PAWR: variants seen among roughly 807,000 people sequenced by gnomAD.
PAWR encodes PRKC apoptosis WT1 regulator protein.
A neutral mutation model predicts 32.0 loss-of-function variants in PAWR; 23 were observed. The ratio of observed to expected loss-of-function variants is 0.72; its 90% CI spans 0.52 to 1.02. PAWR has a LOEUF of 1.02. Ranked by LOEUF, PAWR falls within the 50% of genes least tolerant of loss-of-function variation. The probability of loss-of-function intolerance (pLI) is 0.00; values close to 1 mark genes in which losing one functional copy is unlikely to be tolerated. For missense variants in PAWR, 457 were observed against 437.7 expected (o/e 1.04, Z -0.39); for synonymous variants, 226 against 187.1 (o/e 1.21, Z -1.70).
intron 2 of PAWR, among the ~76,000 whole-genome samples, chr12:79,674,852 A>C (rs1266334199): frequency 6.6e-6 from 1 of 152,212 alleles, no homozygotes; most frequent in African/African-American, 2.4e-5. Context: ...TTAAAACCAC[A>C]ATAAGATACC....
intron 2 of PAWR, among the ~76,000 whole-genome samples, chr12:79,673,275 T>C (rs1221911620): frequency 6.6e-6 from 1 of 152,178 alleles, no homozygotes; most frequent in East Asian, 1.9e-4. Flanking sequence ...TTCACCGTGT[T>C]AGCCAGGATG....
rs540552105 is a variant in PAWR, at chr12:79,662,584, A to G, written c.516+27145T>C. Reference sequence around the variant, plus strand: ...ATGGACCACACTGCCAAGCTGACCTAGAATTCAGTTCAGCTCACTTCCTTC... The same window carrying G: ...ATGGACCACACTGCCAAGCTGACCTGGAATTCAGTTCAGCTCACTTCCTTC... On this transcript the variant is annotated intron_variant, in intron 2 of 6. Coordinates refer to ENST00000328827, the MANE Select transcript of PAWR (RefSeq NM_002583.4). Among the ~76,000 whole-genome samples, 39 of 152,362 alleles carry G rather than the reference A, an allele frequency of 2.6e-4. No homozygotes were observed. The South Asian group carries it at 3.3e-3, about 13-fold the overall frequency.
chr12:79,680,488 C>G (rs1339611765), intron 2 of PAWR, among the ~76,000 whole-genome samples: 1 of 152,184 alleles, frequency 6.6e-6, no homozygotes. Context: ...ATGTGTGAAA[C>G]TGCTAGTTTT....
At chr12:79,650,572 T>G (rs539067811) in intron 2 of PAWR, among the ~76,000 whole-genome samples, 4 of 152,100 alleles carry the variant, frequency 2.6e-5, no homozygotes, top group Non-Finnish European at 5.9e-5. Flanking sequence ...TAAAAACAGA[T>G]AGTAAATATT....
At position 79,690,201 on chromosome 12, in the gene PAWR, C is replaced by A; in HGVS notation, c.44G>T (p.Ser15Ile). ...GYRTSSGLGG[S>I]TTDFLEEWKA... The stretch of plus-strand genomic sequence containing the variant: ...CCACTCCTCCAGGAAGTCTGTGGTG[C>A]TGCCGCCGAGGCCGCTGCTGGTCCG... Residue 15 changes from serine to isoleucine, a missense_variant, in exon 2 of 7, where the codon AGC becomes ATC. By Grantham distance (142) the Ser-to-Ile change is moderately radical. Transcript: ENST00000328827. 1 of 1,531,264 alleles carries A rather than the reference C, an allele frequency of 6.5e-7. No individual in the cohort carries two copies. The highest frequency in any genetic ancestry group is 2.6e-5 in the East Asian group (1 of 38,236). 94.9% of individuals were successfully genotyped at this position (1,531,264 alleles called of 1,614,324 possible).
intron 2 of PAWR, among the ~76,000 whole-genome samples, chr12:79,652,122 C>T (rs1424191645): frequency 3.9e-5 from 6 of 151,996 alleles, no homozygotes; most frequent in South Asian, 2.1e-4. Flanking sequence ...TTACTAGATA[C>T]GTAGTTTCAG....
chr12:79,656,224 G>C, intron 2 of PAWR, among the ~76,000 whole-genome samples: 1 of 152,224 alleles, frequency 6.6e-6, no homozygotes, highest in South Asian at 2.1e-4. Flanking sequence ...ACAGAAAACT[G>C]TATGAATAGA....
At chr12:79,619,820 T>G (rs1372112395) in intron 3 of PAWR, among the ~76,000 whole-genome samples, 1 of 152,210 alleles carries the variant, frequency 6.6e-6, no homozygotes, top group African/African-American at 2.4e-5. Context: ...GAAAGATCTA[T>G]GTAGAGCTGA....
At chr12:79,637,345 T>TCA (rs1447040617) in intron 2 of PAWR, among the ~76,000 whole-genome samples, 1 of 152,108 alleles carries the variant, frequency 6.6e-6, no homozygotes, top group African/African-American at 2.4e-5. Context: ...GTCAATCCTA[T>TCA]CAGTAATGCC....
chr12:79,639,881 TATTCCATTCC>T lies in PAWR; in HGVS notation c.517-18684_517-18675del, dbSNP rs71091678. ...CTATTCCTATTCCTATTCCTATTCC[TATTCCATTCC>T]ATTCCATTCCATTCCATTCCATTCT... is the stretch of plus-strand genomic sequence containing the variant. On this transcript the variant is annotated intron_variant, in intron 2 of 6. Transcript: ENST00000328827. 4.3e-3 allele frequency among the ~76,000 whole-genome samples: 479 copies of T among 112,526 alleles called. 4 individuals are homozygous for T. The highest frequency in any genetic ancestry group is 3.8e-3 in the Non-Finnish European group (233 of 60,798). The allele number at this position is 112,526 out of a possible 152,430, so 73.8% of individuals were successfully genotyped here.
intron 2 of PAWR, among the ~76,000 whole-genome samples, chr12:79,673,705 C>A (rs1878023839): frequency 6.6e-6 from 1 of 152,114 alleles, no homozygotes; most frequent in Admixed American, 6.5e-5. Flanking sequence ...AAAATAAGAG[C>A]TAAAAATAGG....
intron 3 of PAWR, among the ~76,000 whole-genome samples, chr12:79,618,012 A>G (rs1017587980): frequency 6.6e-5 from 10 of 152,240 alleles, no homozygotes; most frequent in Admixed American, 6.5e-5. Flanking sequence ...TGTAGCCTGT[A>G]GAAGTGTGAG....
intron 3 of PAWR, among the ~76,000 whole-genome samples, chr12:79,615,605 T>C (rs887639963): frequency 4.0e-5 from 6 of 148,290 alleles, no homozygotes; most frequent in Non-Finnish European, 7.5e-5. Flanking sequence ...TATCTGCTTG[T>C]CATTAAGCAG....
intron 3 of PAWR, among the ~76,000 whole-genome samples, chr12:79,617,587 G>GC (rs397749925): frequency 1.3e-5 from 1 of 76,744 alleles, no homozygotes; most frequent in Non-Finnish European, 2.0e-5. Context: ...TGCAGTGAAA[G>GC]GTCCCTTATA....
At chr12:79,630,206 C>T (rs758174239) in intron 2 of PAWR, among the ~76,000 whole-genome samples, 1 of 150,992 alleles carries the variant, frequency 6.6e-6, no homozygotes, top group Non-Finnish European at 1.5e-5. Flanking sequence ...GCAGTCTGAA[C>T]AAAAAAGACA....
At chr12:79,611,843 A>C (rs1444163392) in intron 4 of PAWR, among the ~76,000 whole-genome samples, 1 of 152,150 alleles carries the variant, frequency 6.6e-6, no homozygotes, top group Non-Finnish European at 1.5e-5. Context: ...ACAGAGAATA[A>C]ATTTGCCTTC....
At chr12:79,639,862 C>T (rs1876207755) in intron 2 of PAWR, among the ~76,000 whole-genome samples, 1 of 116,568 alleles carries the variant, frequency 8.6e-6, no homozygotes, top group Admixed American at 9.2e-5. Flanking sequence ...ATTCCTATTC[C>T]TATTCCTATT....
intron 4 of PAWR, among the ~76,000 whole-genome samples, chr12:79,605,120 G>GT (rs1274984557): frequency 6.6e-6 from 1 of 151,808 alleles, no homozygotes; most frequent in Non-Finnish European, 1.5e-5. Flanking sequence ...ACATAAACAG[G>GT]TAATAATTTT....
intron 4 of PAWR, among the ~76,000 whole-genome samples, chr12:79,606,695 C>G (rs551939095): frequency 6.6e-6 from 1 of 152,252 alleles, no homozygotes; most frequent in Non-Finnish European, 1.5e-5. Context: ...AATCAAACTA[C>G]CACACTGTAT....
Sources: allele counts gnomAD v4.1 joint callset (sites outside exome capture counted in the v4.1 genomes callset), GRCh38; gene constraint gnomAD v4.1.1; transcripts MANE v1.5; gene names NCBI Gene and HGNC (gene_info 2026-07-23, HGNC 2026-07-21).